KDM2B: variants seen among roughly 807,000 people sequenced by gnomAD.
The protein encoded by KDM2B is lysine demethylase 2B.
Under a neutral mutation model 150.0 loss-of-function variants are expected in KDM2B, and 26 were observed. That is an observed-to-expected ratio of 0.17 (90% confidence interval 0.13 to 0.24). KDM2B has a LOEUF of 0.24. Among genes scored for constraint, KDM2B ranks in the 10% least tolerant of loss-of-function variants. KDM2B has a pLI of 1.00. For missense variants in KDM2B, 1,265 were observed against 1,816.9 expected (o/e 0.70, Z 5.52); for synonymous variants, 734 against 729.5 (o/e 1.01, Z -0.10).
intron 12 of KDM2B, among the ~76,000 whole-genome samples, chr12:121,454,235 G>T (rs1294328643): frequency 6.6e-6 from 1 of 152,154 alleles, no homozygotes; most frequent in Non-Finnish European, 1.5e-5. Flanking sequence ...GTGCACCACT[G>T]CACCTCTCTA....
chr12:121,560,420 G>A (rs1327800251), intron 4 of KDM2B, among the ~76,000 whole-genome samples: 2 of 152,114 alleles, frequency 1.3e-5, no homozygotes, highest in African/African-American at 4.8e-5. Context: ...AAGCTTTGAT[G>A]ACAGCCAAAT....
chr12:121,440,302 T>C (rs1422911590), intron 21 of KDM2B: 1 of 565,040 alleles, frequency 1.8e-6, no homozygotes, highest in Non-Finnish European at 3.2e-6. Context: ...AGAAACACTA[T>C]GCCCACATTC....
At chr12:121,420,159 T>C in the KDM2B span, 4 of 1,243,560 alleles carry the variant, frequency 3.2e-6, no homozygotes, top group South Asian at 1.2e-5. Flanking sequence ...CTGGTCATCA[T>C]GGGGAGCATC....
rs782364201 is a variant in KDM2B at position 121,444,107 on chromosome 12, G to A, written c.2356C>T (p.Pro786Ser). The change falls in exon 16 of 23, where the codon CCG becomes TCG. Residue 786 changes from proline (P) to serine (S), a missense_variant. Physicochemically the swap from Pro to Ser is moderately conservative, Grantham distance 74. Around this residue, in one of 11 missense-constraint regions of KDM2B, gnomAD observed 418 missense variants for 402.4 expected, o/e 1.04. Coordinates refer to ENST00000377071, the MANE Select transcript of KDM2B (RefSeq NM_032590.5). ...TTTCTGCGCAGAAGGCCGTCCGGCG[G>A]CACCTTCTTCGAGTGCTCATCCGAC... ...RRSDEHSKKV[P>S]PDGLLRRKSD... The A allele has an allele frequency of 6.2e-7, 1 of 1,613,592 alleles. No homozygotes were observed. The highest frequency in any genetic ancestry group is 2.2e-5 in the East Asian group (1 of 44,876).
rs558720547 is a variant in KDM2B at position 121,535,287 on chromosome 12, G to A, written c.684-697C>T. Among the ~76,000 whole-genome samples, 35 of 151,576 alleles carry A rather than the reference G, an allele frequency of 2.3e-4. 1 individual carries two copies. The highest frequency in any genetic ancestry group is 4.3e-4 in the Non-Finnish European group (29 of 67,932). The stretch of plus-strand genomic sequence containing the variant: ...GATTGCCAAGTAAGCAATGCAGCTA[G>A]AAAAGTAAGGGGGGGTTCCAGCCCC... On this transcript the variant is annotated intron_variant, in intron 6 of 22. Coordinates refer to ENST00000377071, the MANE Select transcript of KDM2B (RefSeq NM_032590.5).
intron 12 of KDM2B, among the ~76,000 whole-genome samples, chr12:121,458,260 G>A (rs782781598): frequency 1.7e-4 from 26 of 151,936 alleles, no homozygotes; most frequent in Non-Finnish European, 3.5e-4. Context: ...CCTGTAGTCC[G>A]AGCTACTCAG....
At chr12:121,512,097 C>G (rs1885638062) in intron 10 of KDM2B, among the ~76,000 whole-genome samples, 1 of 152,108 alleles carries the variant, frequency 6.6e-6, no homozygotes, top group South Asian at 2.1e-4. Context: ...CTCAGAAAGC[C>G]TCTCACTCTC....
chr12:121,542,432 A>C (rs1381957123), intron 6 of KDM2B, among the ~76,000 whole-genome samples: 1 of 152,238 alleles, frequency 6.6e-6, no homozygotes, highest in African/African-American at 2.4e-5. Flanking sequence ...GGCGTAAGCC[A>C]CCACACATGG....
intron 11 of KDM2B, among the ~76,000 whole-genome samples, chr12:121,499,358 C>T (rs1032516859): frequency 6.7e-6 from 1 of 150,266 alleles, no homozygotes; most frequent in African/African-American, 2.4e-5. Flanking sequence ...TGACCTCAGG[C>T]GATCCACCCA....
chr12:121,582,183 G>C (rs782734436), upstream of KDM2B, among the ~76,000 whole-genome samples: 11 of 151,732 alleles, frequency 7.2e-5, no homozygotes, highest in Non-Finnish European at 1.2e-4. Flanking sequence ...CGTCTTGTTC[G>C]TTCCCATTTT....
chr12:121,412,606 T>C, the KDM2B span, among the ~76,000 whole-genome samples: 5 of 152,066 alleles, frequency 3.3e-5, no homozygotes, highest in Admixed American at 2.0e-4. Context: ...CTCGAACTCC[T>C]GACTTCATGT....
intron 6 of KDM2B, among the ~76,000 whole-genome samples, chr12:121,539,966 C>T (rs1888471056): frequency 6.6e-6 from 1 of 152,110 alleles, no homozygotes; most frequent in Non-Finnish European, 1.5e-5. Context: ...TCTCGAACTC[C>T]TGGCCTCAAG....
At chr12:121,535,786 T>C (rs1555308624) in intron 6 of KDM2B, among the ~76,000 whole-genome samples, 2 of 152,022 alleles carry the variant, frequency 1.3e-5, no homozygotes, top group Admixed American at 6.6e-5. Context: ...CACCCAGGGC[T>C]CCCCTCCTCC....
intron 11 of KDM2B, among the ~76,000 whole-genome samples, chr12:121,506,044 C>G (rs2140751421): frequency 6.6e-6 from 1 of 150,446 alleles, no homozygotes; most frequent in South Asian, 2.1e-4. Flanking sequence ...GGGTCTTGTT[C>G]TGTCTCCCAG....
chr12:121,456,269 T>G lies in KDM2B; in HGVS notation c.1735-2925A>C, dbSNP rs545164328. 3.9e-5 allele frequency among the ~76,000 whole-genome samples: 6 copies of G among 152,338 alleles called. No homozygotes were observed. The East Asian group carries it at 1.2e-3, about 29-fold the overall frequency. The stretch of plus-strand genomic sequence containing the variant: ...GCTCCTGGAAGGGCTTCCCAGCTAG[T>G]GCCACGATGCCTCAGTGCGAAGGGT... On this transcript the variant is annotated intron_variant, in intron 12 of 22. Coordinates refer to ENST00000377071, the MANE Select transcript of KDM2B (RefSeq NM_032590.5).
At chr12:121,503,270 G>T (rs1301974403) in intron 11 of KDM2B, among the ~76,000 whole-genome samples, 1 of 151,142 alleles carries the variant, frequency 6.6e-6, no homozygotes, top group Non-Finnish European at 1.5e-5. Context: ...GAGTCACTGC[G>T]CCCGGGCTGT....
At chr12:121,530,426 G>A (rs1887567005) in intron 8 of KDM2B, among the ~76,000 whole-genome samples, 1 of 151,924 alleles carries the variant, frequency 6.6e-6, no homozygotes, top group African/African-American at 2.4e-5. Context: ...CCCATCTTTA[G>A]CAAAATTATA....
intron 8 of KDM2B, among the ~76,000 whole-genome samples, chr12:121,526,125 G>A (rs994428124): frequency 2.0e-5 from 3 of 152,202 alleles, no homozygotes; most frequent in Non-Finnish European, 2.9e-5. Flanking sequence ...GCCAAGGCAG[G>A]CGGATCACTT....
At position 121,518,673 on chromosome 12, in the gene KDM2B, T is replaced by TA. The variant is rs1445302134; in HGVS notation, c.1047+2311dup. 5.9e-5 allele frequency among the ~76,000 whole-genome samples: 9 copies of TA among 152,294 alleles called. No homozygotes were observed. Among genetic ancestry groups the TA allele is most frequent in the Non-Finnish European group, 1.2e-4 (8 of 68,006 alleles). ...CCATGGGGCCCAAATCCGCTGAGTT[T>TA]ACAATTGAATTCCCAGGGGGACGGG... is the stretch of plus-strand genomic sequence containing the variant. On this transcript the variant is annotated intron_variant, in intron 9 of 22. Coordinates refer to ENST00000377071, the MANE Select transcript of KDM2B (RefSeq NM_032590.5). The surrounding 1 kb of genome is among the most constrained non-coding windows in gnomAD (Gnocchi z 4.4).
Sources: gnomAD v4.1 joint callset for allele counts (sites outside exome capture counted in the v4.1 genomes callset) on GRCh38, gnomAD v4.1.1 for gene constraint, gnomAD v4.1.1 regional missense constraint, Gnocchi (gnomAD v3.1) non-coding constraint, MANE v1.5 for transcripts, NCBI Gene and HGNC (gene_info 2026-07-23, HGNC 2026-07-21) for gene names.